The following TTN variants were observed in gnomAD, a reference collection of about 807,000 sequenced individuals.
TTN encodes connectin.
TTN carries 1,525 observed loss-of-function variants against 3,223.0 expected under a neutral mutation model. The observed-to-expected ratio is 0.47, with a 90% CI of 0.45 to 0.49. The LOEUF is 0.49. Among genes scored for constraint, TTN ranks in the 20% least tolerant of loss-of-function variants. The probability of loss-of-function intolerance (pLI) is 0.00; values close to 1 mark genes in which losing one functional copy is unlikely to be tolerated. For missense variants in TTN, 40,786 were observed against 43,424.0 expected (o/e 0.94, Z 5.40); for synonymous variants, 14,094 against 15,161.0 (o/e 0.93, Z 5.17).
rs752422428 is a variant in TTN at position 178,741,117 on chromosome 2, G to T, written c.12116C>A (p.Pro4039His). 1 of 1,613,726 alleles carries T rather than the reference G, an allele frequency of 6.2e-7. No homozygotes were observed. Residue 4039 changes from proline to histidine, a missense_variant, in exon 48 of 363, where the codon CCC (proline) becomes CAC (histidine). Coordinates refer to ENST00000589042, the MANE Select transcript of TTN (RefSeq NM_001267550.2). ...CTCTGGTGTGGACTTTGCTTTGCAG[G>T]GGGTATCAGTCATGTCTGTGTCTTC... ...LLEDTDMTDT[P>H]CKAKSTPEAP...
rs370686112 is a variant in TTN at position 178,593,687 on chromosome 2, G to A, written c.58613C>T (p.Thr19538Ile). 1 of 1,613,174 alleles carries A rather than the reference G, an allele frequency of 6.2e-7. No homozygotes were observed. The change falls in exon 298 of 363, where the codon ACA (threonine) becomes ATA (isoleucine). Residue 19538 changes from threonine (T) to isoleucine (I), a missense_variant. Physicochemically the swap from Thr to Ile is moderately conservative, Grantham distance 89 (BLOSUM62 -1). Transcript: ENST00000589042. ...TTCAAGTAGTTTAGAAACTTTGCAT[G>A]TTGTTTTAGCACTTGCAGATGTCAC... ...MPVTSASAKT[T>I]CKVSKLLEGK...
At position 178,725,664 on chromosome 2, in the gene TTN, A is replaced by T. The variant is rs2079215300; in HGVS notation, c.20555-15T>A. 2 of 1,557,504 alleles carry T rather than the reference A, an allele frequency of 1.3e-6. No homozygotes were observed. The highest frequency in any genetic ancestry group is 1.4e-5 in the African/African-American group (1 of 73,020). On this transcript the variant is annotated splice_polypyrimidine_tract_variant and intron_variant, in intron 70 of 362. Transcript: ENST00000589042. ...TCTTGGTGGTTCTGAACAGGAAAAG[A>T]TGGATGGAAATTGTTGAAAAGATTG...
At position 178,709,706 on chromosome 2, in the gene TTN, G is replaced by C; in HGVS notation, c.28613C>G (p.Ser9538Cys). ...GTTCTTGAATGTTATTTCACAGTTA[G>C]AAGTTGGTTGTATCTCTATATTATT... ...YKNNIEIQPTSNCEITFKNNT... is the reference protein window; with the variant it reads ...YKNNIEIQPTCNCEITFKNNT... The change falls in exon 99 of 363, where the codon TCT becomes TGT. Residue 9538 changes from serine to cysteine, a missense_variant. Ser to Cys is a moderately radical substitution (Grantham distance 112, BLOSUM62 -1). Transcript: ENST00000589042. The C allele has an allele frequency of 6.2e-7, 1 of 1,613,898 alleles. No individual in the cohort carries two copies. The highest frequency in any genetic ancestry group is 1.7e-5 in the Admixed American group (1 of 60,004).
chr2:178,752,024 C>T (rs756000371), intron 47 of TTN: 2 of 1,583,874 alleles, frequency 1.3e-6, no homozygotes, highest in Admixed American at 1.9e-5. Flanking sequence ...TTCAGATTCC[C>T]CCTCAGAGAA....
intron 47 of TTN, chr2:178,751,472 T>C (rs2085482914): frequency 1.2e-6 from 2 of 1,613,302 alleles, no homozygotes; most frequent in East Asian, 4.5e-5. Context: ...TTGTTTTTTG[T>C]TAAAGGGAGA....
chr2:178,771,498 A>T (rs956438579), intron 33 of TTN, 27 bp from the exon 34 acceptor site: 34 of 1,613,710 alleles, frequency 2.1e-5, no homozygotes, highest in Non-Finnish European at 2.8e-5. Context: ...GTACAGTATG[A>T]GTCCTTTAAA....
Position 178,621,709 on chromosome 2 carries a change from TG to T in TTN, c.45114del (p.Asn15039ThrfsTer10). ...EEEAVFTKNL[A>X]NIEVSETDTI... The stretch of plus-strand genomic sequence containing the variant: ...GTGTCTGTTTCACTAACTTCAATGT[TG>T]GCAAGATTTTTGGTAAAGACAGCTT... On this transcript the variant is annotated frameshift_variant, in exon 245 of 363. Transcript: ENST00000589042. LOFTEE classifies it high-confidence loss of function. 6.2e-7 allele frequency: 1 copy of T among 1,611,764 alleles called. No homozygotes were observed. Among genetic ancestry groups the T allele is most frequent in the Non-Finnish European group, 8.5e-7 (1 of 1,178,902 alleles).
In TTN at chr2:178,713,220, A is replaced by G; in HGVS notation, c.26914T>C (p.Tyr8972His). 1 of 1,613,552 alleles carries G rather than the reference A, an allele frequency of 6.2e-7. No individual in the cohort carries two copies. Among genetic ancestry groups the G allele is most frequent in the Non-Finnish European group, 8.5e-7 (1 of 1,179,700 alleles). ...EGNEISSGRK[Y>H]QTTLTDNTCA... ...GTATTATCTGTCAGGGTGGTCTGGT[A>G]TTTCCTTCCACTACTGATCTCATTT... The change falls in exon 93 of 363, where the codon TAC (tyrosine) becomes CAC (histidine). Residue 8972 changes from tyrosine to histidine, a missense_variant. Coordinates refer to ENST00000589042, the MANE Select transcript of TTN (RefSeq NM_001267550.2).
At chr2:178,675,826 T>C in intron 148 of TTN, 72 bp from the exon 149 acceptor site, 1 of 1,526,288 alleles carries the variant, frequency 6.6e-7, no homozygotes, top group South Asian at 1.2e-5. Context: ...AGCAGTAATA[T>C]AAGTTGTATT....
In TTN at chr2:178,730,391, A is replaced by G. The variant is rs534043207; in HGVS notation, c.18029-20T>C. ...GGGGTTCTGAGGTGAAAGAAAAAAC[A>G]AGCAAAAGAAAATAGGAAGTTTTAT... On this transcript the variant is annotated intron_variant, in intron 61 of 362. Transcript: ENST00000589042. The G allele has an allele frequency of 2.3e-5, 36 of 1,556,818 alleles. No homozygotes were observed. In the East Asian group the frequency reaches 6.4e-4, roughly 27 times the overall value.
Position 178,766,460 on chromosome 2 carries a change from A to T in TTN, c.9624T>A (p.Ser3208=). The part of the protein sequence containing the change: ...VERRIHRMFI[S]ETRQSDAGEY... ...CTCCTGCATCGCTCTGTCTGGTCTC[A>T]GAGATAAACATTCGGTGGATTCTTC... The change falls in exon 41 of 363, where the codon TCT becomes TCA. Residue 3208 remains serine (S), a synonymous_variant. Coordinates refer to ENST00000589042, the MANE Select transcript of TTN (RefSeq NM_001267550.2). The T allele has an allele frequency of 1.2e-6, 2 of 1,614,150 alleles. No individual in the cohort carries two copies. The highest frequency in any genetic ancestry group is 1.7e-6 in the Non-Finnish European group (2 of 1,179,988).
rs1559421745 is a variant in TTN, at chr2:178,573,087, A to T, written c.73045T>A (p.Tyr24349Asn). ...CCAGTGATTTCTGAACCACCATCATAGATAGGTTTATTCCAAGCGATTGAA... is the reference window on the plus strand; with the variant it reads ...CCAGTGATTTCTGAACCACCATCATTGATAGGTTTATTCCAAGCGATTGAA... The part of the protein sequence containing the change: ...SISIAWNKPI[Y>N]DGGSEITGYM... The change falls in exon 326 of 363, where the codon TAT (tyrosine) becomes AAT (asparagine). Residue 24349 changes from tyrosine (Y) to asparagine (N), a missense_variant. Tyr to Asn is a moderately radical substitution (Grantham distance 143). Transcript: ENST00000589042. The T allele has an allele frequency of 2.5e-6, 4 of 1,613,258 alleles. No individual in the cohort carries two copies. The highest frequency in any genetic ancestry group is 2.5e-6 in the Non-Finnish European group (3 of 1,179,546).
chr2:178,549,264 C>T lies in TTN; in HGVS notation c.92362G>A (p.Gly30788Ser), dbSNP rs199891245. Residue 30788 changes from glycine (G) to serine (S), a missense_variant, in exon 339 of 363, where the codon GGC (glycine) becomes AGC (serine). By Grantham distance (56) the Gly-to-Ser change is moderately conservative. Transcript: ENST00000589042. Reference sequence around the variant, plus strand: ...ATGACATGGAATTCATACTCATTGCCTTCTGTCAGACCAGTGACTTTGAAT... The same window carrying T: ...ATGACATGGAATTCATACTCATTGCTTTCTGTCAGACCAGTGACTTTGAAT... ...TRFKVTGLTE[G>S]NEYEFHVMAE... 592 of 1,613,794 alleles carry T rather than the reference C, an allele frequency of 3.7e-4. 1 individual carries two copies. Among genetic ancestry groups the T allele is most frequent in the East Asian group, 1.7e-3 (75 of 44,874 alleles).
chr2:178,632,598 C>T lies in TTN; in HGVS notation c.43408G>A (p.Ala14470Thr). Residue 14470 changes from alanine to threonine, a missense_variant, in exon 235 of 363, where the codon GCT becomes ACT. By Grantham distance (58) the Ala-to-Thr change is moderately conservative. Transcript: ENST00000589042. ...ATGTATTTTGCTTCATCTTCAAAAG[C>T]AGCTGACTTGATCACCATTGAATGC... is the stretch of plus-strand genomic sequence containing the variant. The part of the protein sequence containing the change: ...TKHSMVIKSA[A>T]FEDEAKYMFE... 1 of 1,613,408 alleles carries T rather than the reference C, an allele frequency of 6.2e-7. No homozygotes were observed. Among genetic ancestry groups the T allele is most frequent in the Non-Finnish European group, 8.5e-7 (1 of 1,179,560 alleles).
intron 321 of TTN, 32 bp downstream of exon 321, chr2:178,578,579 T>C: frequency 6.6e-7 from 1 of 1,513,080 alleles, no homozygotes; most frequent in Non-Finnish European, 9.1e-7. Context: ...AATCTTGATG[T>C]AAAAGCTGTA....
intron 106 of TTN, among the ~76,000 whole-genome samples, chr2:178,703,925 A>G (rs936914621): frequency 6.6e-6 from 1 of 152,250 alleles, no homozygotes; most frequent in East Asian, 1.9e-4. Context: ...CTTAGACTAG[A>G]TTAAAATCTA....
chr2:178,649,404 T>C, intron 212 of TTN, 73 bp from the exon 213 acceptor site: 3 of 1,338,248 alleles, frequency 2.2e-6, no homozygotes, highest in South Asian at 1.8e-5. Context: ...AAAAAACCTG[T>C]ATTTATTGGA....
chr2:178,719,641 C>T lies in TTN; in HGVS notation c.23851G>A (p.Ala7951Thr). Reference protein sequence around the residue: ...NKVASLKIPCAEMSDKGLYSF... With the variant: ...NKVASLKIPCTEMSDKGLYSF... The stretch of plus-strand genomic sequence containing the variant: ...TATAATCCTTTGTCACTCATTTCGG[C>T]ACAGGGGATTTTAAGGGAAGCCACT... The change falls in exon 82 of 363, where the codon GCC (alanine) becomes ACC (threonine). Residue 7951 changes from alanine (A) to threonine (T), a missense_variant. By Grantham distance (58) the Ala-to-Thr change is moderately conservative (BLOSUM62 0). Coordinates refer to ENST00000589042, the MANE Select transcript of TTN (RefSeq NM_001267550.2). The T allele has an allele frequency of 1.9e-6, 3 of 1,613,732 alleles. No individual in the cohort carries two copies. The highest frequency in any genetic ancestry group is 1.3e-5 in the African/African-American group (1 of 75,030).
Position 178,731,923 on chromosome 2 carries a change from T to G in TTN, c.16952A>C (p.Glu5651Ala). 1 of 1,613,546 alleles carries G rather than the reference T, an allele frequency of 6.2e-7. No homozygotes were observed. The highest frequency in any genetic ancestry group is 1.1e-5 in the South Asian group (1 of 91,042). The change falls in exon 58 of 363, where the codon GAG becomes GCG. Residue 5651 changes from glutamate to alanine, a missense_variant. By Grantham distance (107) the Glu-to-Ala change is moderately radical. Transcript: ENST00000589042. Reference protein sequence around the residue: ...KEFKPIEVLKEYDVMLLAEVA... With the variant: ...KEFKPIEVLKAYDVMLLAEVA... ...CTCAGCCAGCAACATGACATCGTAC[T>G]CCTTTAAGACTTCAATTGGCTTAAA...
Sources: allele counts gnomAD v4.1 joint callset (sites outside exome capture counted in the v4.1 genomes callset), GRCh38; gene constraint gnomAD v4.1.1; transcripts MANE v1.5; gene names NCBI Gene and HGNC (gene_info 2026-07-23, HGNC 2026-07-21).